Variants in PAG1 observed in about 807,000 individuals in gnomAD.
The protein encoded by PAG1 is phosphoprotein membrane anchor with glycosphingolipid microdomains 1.
Under a neutral mutation model 31.7 loss-of-function variants are expected in PAG1, and 23 were observed. That is an observed-to-expected ratio of 0.73 (90% CI 0.52 to 1.03). The LOEUF (loss-of-function observed/expected upper bound fraction) is 1.03. Ranked by LOEUF, PAG1 falls within the 50% of genes least tolerant of loss-of-function variation. PAG1 has a pLI of 0.00. For missense variants in PAG1, 473 were observed against 540.7 expected (o/e 0.87, Z 1.24); for synonymous variants, 214 against 210.3 (o/e 1.02, Z -0.15).
intron 4 of PAG1, 91 bp downstream of exon 4, chr8:80,993,012 A>T (rs950344358): frequency 8.6e-7 from 1 of 1,166,598 alleles, no homozygotes; most frequent in East Asian, 2.6e-5. Context: ...CTGTGGCGGG[A>T]TTCCATTCCT....
chr8:81,089,115 C>G (rs1021365665), intron 1 of PAG1, among the ~76,000 whole-genome samples: 1 of 152,180 alleles, frequency 6.6e-6, no homozygotes, highest in Non-Finnish European at 1.5e-5. Flanking sequence ...GAAGAAGATA[C>G]AAAACTCCTC....
At chr8:81,107,928 G>A (rs1221110477) in intron 1 of PAG1, among the ~76,000 whole-genome samples, 1 of 152,170 alleles carries the variant, frequency 6.6e-6, no homozygotes, top group African/African-American at 2.4e-5. Context: ...AGCCCAAAGT[G>A]AAGAAAATTC....
rs181797162 is a variant in PAG1, at chr8:81,090,164, C to A, written c.-233-19994G>T. Among the ~76,000 whole-genome samples the A allele has an allele frequency of 1.4e-3, 216 of 152,316 alleles. 1 individual carries two copies. Among genetic ancestry groups the A allele is most frequent in the African/African-American group, 5.1e-3 (210 of 41,574 alleles). On this transcript the variant is annotated intron_variant, in intron 1 of 8. Coordinates refer to ENST00000220597, the MANE Select transcript of PAG1 (RefSeq NM_018440.4). ...CATGACATGTCCCACAATTTTTCTA[C>A]TCTCTCTCCCAGGTAATTTGTGGAA... is the stretch of plus-strand genomic sequence containing the variant.
At chr8:81,026,451 C>T (rs1808279579) in intron 3 of PAG1, among the ~76,000 whole-genome samples, 1 of 149,376 alleles carries the variant, frequency 6.7e-6, no homozygotes. Flanking sequence ...GATGGTGACA[C>T]ATAGCATTGG....
chr8:81,110,813 C>T (rs750764172), intron 1 of PAG1, among the ~76,000 whole-genome samples: 5 of 152,240 alleles, frequency 3.3e-5, no homozygotes, highest in African/African-American at 7.2e-5. Flanking sequence ...CTGTTTCAGA[C>T]TTCAGGCCGC....
At chr8:81,101,826 CTAACA>C (rs1294570038) in intron 1 of PAG1, among the ~76,000 whole-genome samples, 1 of 151,660 alleles carries the variant, frequency 6.6e-6, no homozygotes, top group African/African-American at 2.4e-5. Context: ...CAAGTATACA[CTAACA>C]TAAAAATGTC....
chr8:81,081,523 T>C (rs1363816545), intron 1 of PAG1, among the ~76,000 whole-genome samples: 1 of 152,128 alleles, frequency 6.6e-6, no homozygotes, highest in Non-Finnish European at 1.5e-5. Context: ...ATATAGAACA[T>C]TTCCATCACC....
rs189738300 is a variant in PAG1 at position 81,049,822 on chromosome 8, G to A, written c.-174-19733C>T. On this transcript the variant is annotated intron_variant, in intron 2 of 8. Coordinates refer to ENST00000220597, the MANE Select transcript of PAG1 (RefSeq NM_018440.4). ...GGAAACTGAGACTGAGAGGTTCAGT[G>A]ATATTACTGAGGACTAACAGGGCTG... 2.9e-3 allele frequency among the ~76,000 whole-genome samples: 444 copies of A among 152,308 alleles called. 2 individuals carry two copies. Among genetic ancestry groups the A allele is most frequent in the African/African-American group, 9.6e-3 (397 of 41,554 alleles).
intron 2 of PAG1, among the ~76,000 whole-genome samples, chr8:81,055,522 C>A (rs1586191822): frequency 2.6e-5 from 4 of 152,068 alleles, no homozygotes; most frequent in Middle Eastern, 6.8e-3. Flanking sequence ...ATGGGGATGG[C>A]ATTGAATCTA....
intron 1 of PAG1, among the ~76,000 whole-genome samples, chr8:81,108,534 GATTTAAATTAAATC>G (rs543951783): frequency 0.22 from 32,901 of 151,978 alleles, 4,164 homozygotes; most frequent in Non-Finnish European, 0.28. Flanking sequence ...ATCAGTCTGT[GATTTAAATTAAATC>G]AGACTGTGAG....
intron 2 of PAG1, among the ~76,000 whole-genome samples, chr8:81,041,186 T>G (rs1297235423): frequency 6.6e-6 from 1 of 151,904 alleles, no homozygotes; most frequent in African/African-American, 2.4e-5. Flanking sequence ...CTCCACCCTG[T>G]GGAATCACAT....
Position 81,111,636 on chromosome 8 carries a change from G to A in PAG1, c.-279C>T, listed in dbSNP as rs1405952150. ...GTCTTCCTGGCGGACGGCGCTCGGA[G>A]GCAGCCTCTGCAAACTCCGGCGCGC... On this transcript the variant is annotated 5_prime_UTR_variant, in exon 1 of 9. Transcript: ENST00000220597. The A allele has an allele frequency of 2.6e-5, 4 of 152,420 alleles. No individual in the cohort carries two copies. Among genetic ancestry groups the A allele is most frequent in the Non-Finnish European group, 4.4e-5 (3 of 68,192 alleles). The allele number at this position is 152,420 out of a possible 1,614,324, so 9.4% of individuals were successfully genotyped here.
intron 1 of PAG1, among the ~76,000 whole-genome samples, chr8:81,084,181 G>A (rs990172950): frequency 9.9e-5 from 15 of 152,048 alleles, no homozygotes; most frequent in Admixed American, 4.6e-4. Context: ...GTCTTCTTAC[G>A]TTTGTTTTAT....
chr8:80,994,311 G>C lies in PAG1; in HGVS notation c.-80-1004C>G, dbSNP rs541562580. Among the ~76,000 whole-genome samples, 33 of 152,304 alleles carry C rather than the reference G, an allele frequency of 2.2e-4. 1 individual carries two copies. The South Asian group carries it at 6.8e-3, about 32-fold the overall frequency. ...GTACCCAATAAATGCATTTTCAAAT[G>C]AATGAATGAAGTATGTGCTAAGAAT... is the stretch of plus-strand genomic sequence containing the variant. On this transcript the variant is annotated intron_variant, in intron 3 of 8. Transcript: ENST00000220597.
intron 2 of PAG1, among the ~76,000 whole-genome samples, chr8:81,057,196 T>C (rs1232609720): frequency 2.0e-5 from 3 of 152,166 alleles, no homozygotes; most frequent in Non-Finnish European, 2.9e-5. Flanking sequence ...GAAATACCAT[T>C]TGACCCAGCC....
chr8:81,026,546 A>G (rs13266450), intron 3 of PAG1, among the ~76,000 whole-genome samples: 99,944 of 150,184 alleles, frequency 0.67, 33,738 homozygotes, highest in Non-Finnish European at 0.72. Flanking sequence ...TGCCCACACT[A>G]ACTTAGCTGC....
At chr8:80,997,073 G>A (rs1807689352) in intron 3 of PAG1, among the ~76,000 whole-genome samples, 1 of 150,890 alleles carries the variant, frequency 6.6e-6, no homozygotes, top group Admixed American at 6.6e-5. Context: ...TGGTCCACAA[G>A]GACCATCTTA....
chr8:80,981,821 T>C (rs1256851189), intron 7 of PAG1, among the ~76,000 whole-genome samples: 1 of 151,020 alleles, frequency 6.6e-6, no homozygotes, highest in African/African-American at 2.4e-5. Context: ...AAAACAAACC[T>C]AGTCCTACTC....
At chr8:81,098,439 C>T (rs1472359577) in intron 1 of PAG1, among the ~76,000 whole-genome samples, 1 of 152,152 alleles carries the variant, frequency 6.6e-6, no homozygotes, top group Non-Finnish European at 1.5e-5. Context: ...AAAATTTACT[C>T]TAGTGGATTC....
Sources: gnomAD v4.1 joint callset for allele counts (sites outside exome capture counted in the v4.1 genomes callset) on GRCh38, gnomAD v4.1.1 for gene constraint, MANE v1.5 for transcripts, NCBI Gene and HGNC (gene_info 2026-07-23, HGNC 2026-07-21) for gene names.